The following GPATCH1 variants were observed in gnomAD, a reference collection of about 807,000 sequenced individuals.
GPATCH1 encodes the protein G-patch domain containing 1, also known as G patch domain-containing protein 1.
GPATCH1 carries 73 observed loss-of-function variants against 114.9 expected under a neutral mutation model. The observed-to-expected ratio is 0.64, with a 90% confidence interval of 0.53 to 0.77. The LOEUF is 0.77. GPATCH1 is among the 30% of genes least tolerant of loss of function. The pLI, the probability that GPATCH1 is intolerant of heterozygous loss-of-function variation, is 0.00. For synonymous variants in GPATCH1, 391 were observed against 428.4 expected (o/e 0.91, Z 1.08); for missense variants, 1,058 against 1,144.3 (o/e 0.92, Z 1.09).
intron 9 of GPATCH1, among the ~76,000 whole-genome samples, chr19:33,106,273 G>A (rs1029940016): frequency 2.6e-5 from 4 of 152,092 alleles, no homozygotes; most frequent in African/African-American, 9.7e-5. Context: ...CAGAGTGCTG[G>A]GATTATAGGT....
intron 1 of GPATCH1, among the ~76,000 whole-genome samples, chr19:33,085,214 CTTTTTG>C (rs1972523520): frequency 6.6e-6 from 1 of 152,072 alleles, no homozygotes; most frequent in South Asian, 2.1e-4. Context: ...CCCTCATCAA[CTTTTTG>C]TTTTTGTTTT....
intron 19 of GPATCH1, among the ~76,000 whole-genome samples, chr19:33,128,474 A>G (rs1353192983): frequency 6.6e-6 from 1 of 152,118 alleles, no homozygotes; most frequent in Non-Finnish European, 1.5e-5. Context: ...GTTAGCCAGG[A>G]TGGTCTCAAT....
chr19:33,120,952 T>G (rs1395121798), intron 17 of GPATCH1, among the ~76,000 whole-genome samples: 1 of 150,944 alleles, frequency 6.6e-6, no homozygotes, highest in African/African-American at 2.4e-5. Flanking sequence ...ATCGCACCAC[T>G]GCACTCCAGC....
chr19:33,125,918 A>T lies in GPATCH1; in HGVS notation c.2620-670A>T, dbSNP rs553233766. Among the ~76,000 whole-genome samples, 11 of 152,282 alleles carry T rather than the reference A, an allele frequency of 7.2e-5. No homozygotes were observed. In the South Asian group the frequency reaches 2.3e-3, roughly 32 times the overall value. ...AGGCAGGCATGTGCTCCCACTGTTG[A>T]CGTCTCTTATTTCATCAACCATGTC... On this transcript the variant is annotated intron_variant, in intron 18 of 19. Transcript: ENST00000170564.
intron 4 of GPATCH1, 45 bp from the exon 5 acceptor site, chr19:33,094,127 T>TA: frequency 9.9e-7 from 1 of 1,009,700 alleles, no homozygotes; most frequent in Non-Finnish European, 1.6e-6. Flanking sequence ...TATTCTTTGT[T>TA]AATGTTATTT....
rs1284640848 is a variant in GPATCH1 at position 33,130,362 on chromosome 19, GA to G, written c.*209del. 2.5e-5 allele frequency: 11 copies of G among 437,934 alleles called. No homozygotes were observed. Among genetic ancestry groups the G allele is most frequent in the South Asian group, 5.9e-5 (1 of 17,038 alleles). 27.1% of individuals were successfully genotyped at this position (437,934 alleles called of 1,614,324 possible). A position where few individuals can be genotyped will look rare whatever the true frequency, so the allele number is the denominator to read the frequency against. ...TTTTTAATTTCAGTTAGTATCGGGG[GA>G]AAAAAATCCAGACTGAACAGTTTAA... On this transcript the variant is annotated 3_prime_UTR_variant, in exon 20 of 20. Transcript: ENST00000170564.
intron 10 of GPATCH1, among the ~76,000 whole-genome samples, chr19:33,107,679 C>T (rs1167803639): frequency 3.3e-5 from 5 of 152,122 alleles, no homozygotes; most frequent in South Asian, 2.1e-4. Context: ...CCATGGGGAA[C>T]TCAATAGGTG....
intron 16 of GPATCH1, among the ~76,000 whole-genome samples, chr19:33,118,359 A>G (rs1193459460): frequency 6.6e-6 from 1 of 151,578 alleles, no homozygotes; most frequent in South Asian, 2.1e-4. Context: ...TTGTATTTTT[A>G]GTAGAGATGG....
At chr19:33,110,244 T>A (rs1236792797) in intron 11 of GPATCH1, among the ~76,000 whole-genome samples, 1 of 152,182 alleles carries the variant, frequency 6.6e-6, no homozygotes, top group Non-Finnish European at 1.5e-5. Flanking sequence ...GCTGTTTAAG[T>A]AGAGAACACA....
chr19:33,126,331 G>A (rs771095098), intron 18 of GPATCH1, among the ~76,000 whole-genome samples: 16 of 152,168 alleles, frequency 1.1e-4, no homozygotes, highest in Non-Finnish European at 2.1e-4. Context: ...CAAGTGTTAC[G>A]ATAGGTCCTG....
At chr19:33,127,301 A>G (rs568795970) in intron 19 of GPATCH1, among the ~76,000 whole-genome samples, 42 of 152,006 alleles carry the variant, frequency 2.8e-4, no homozygotes, top group Non-Finnish European at 4.3e-4. Flanking sequence ...GGTGGATCAC[A>G]AGGTCAGGAG....
intron 17 of GPATCH1, among the ~76,000 whole-genome samples, chr19:33,119,937 A>T (rs1972958707): frequency 6.9e-6 from 1 of 144,466 alleles, no homozygotes; most frequent in Non-Finnish European, 1.5e-5. Flanking sequence ...AATTATATAT[A>T]TTTTTATATT....
chr19:33,129,676 G>A (rs140157916), intron 19 of GPATCH1, among the ~76,000 whole-genome samples: 2,519 of 152,226 alleles, frequency 0.017, 66 homozygotes, highest in African/African-American at 0.057. Context: ...GGCCGGGTAC[G>A]GTGGCTCATG....
At chr19:33,099,472 C>T (rs570852270) in intron 8 of GPATCH1, among the ~76,000 whole-genome samples, 7 of 152,122 alleles carry the variant, frequency 4.6e-5, no homozygotes, top group Non-Finnish European at 1.0e-4. Context: ...TCTGCTGTGG[C>T]CTCTCTCCCC....
chr19:33,095,618 T>A (rs1599853748), intron 5 of GPATCH1, 144 bp from the exon 6 acceptor site: 7 of 663,738 alleles, frequency 1.1e-5, no homozygotes, highest in Non-Finnish European at 1.6e-5. Context: ...CCCAGGCTGG[T>A]CTTGAACTCC....
At chr19:33,103,400 G>C (rs1021760392) in intron 9 of GPATCH1, among the ~76,000 whole-genome samples, 5 of 152,118 alleles carry the variant, frequency 3.3e-5, no homozygotes, top group African/African-American at 1.2e-4. Context: ...TGTTTTACAT[G>C]TATGAAAAGG....
rs1167249189 is a variant in GPATCH1, at chr19:33,111,827, G to A, written c.1689G>A (p.Ser563=). Reference sequence around the variant, plus strand: ...CCCTGCTGTACGCATCTTCCCATTCGACCTTGTCCTCCAGGTTCACTCACG... The same window carrying A: ...CCCTGCTGTACGCATCTTCCCATTCAACCTTGTCCTCCAGGTTCACTCACG... ...RAALLYASSH[S]TLSSRFTHAK... is the part of the protein sequence containing the mutation. The change falls in exon 12 of 20, where the codon TCG becomes TCA. Residue 563 remains serine (S), a synonymous_variant. Transcript: ENST00000170564. 3.7e-6 allele frequency: 6 copies of A among 1,613,950 alleles called. No individual in the cohort carries two copies. Among genetic ancestry groups the A allele is most frequent in the Middle Eastern group, 1.6e-4 (1 of 6,084 alleles).
In GPATCH1 at chr19:33,119,087, G is replaced by T; in HGVS notation, c.2491G>T (p.Gly831Cys). 4 of 1,611,984 alleles carry T rather than the reference G, an allele frequency of 2.5e-6. No homozygotes were observed. The highest frequency in any genetic ancestry group is 2.5e-6 in the Non-Finnish European group (3 of 1,179,012). Reference sequence around the variant, plus strand: ...GCAGATAGATGAAAGAGAAGAGTTCGGCCCGCGGCTGCCTCCCGTCTTCTG... The same window carrying T: ...GCAGATAGATGAAAGAGAAGAGTTCTGCCCGCGGCTGCCTCCCGTCTTCTG... ...KMQIDEREEF[G>C]PRLPPVFCPN... The change falls in exon 17 of 20, where the codon GGC (glycine) becomes TGC (cysteine). Residue 831 changes from glycine to cysteine, a missense_variant. Gly to Cys is a radical substitution (Grantham distance 159). Around this residue, in one of 3 missense-constraint regions of GPATCH1, gnomAD observed 893 missense variants for 977.4 expected, o/e 0.91. Transcript: ENST00000170564.
chr19:33,105,112 C>G (rs1261410017), intron 9 of GPATCH1, among the ~76,000 whole-genome samples: 1 of 152,006 alleles, frequency 6.6e-6, no homozygotes, highest in Non-Finnish European at 1.5e-5. Context: ...CTTGGCTCTA[C>G]TCACATTATT....
Sources: allele counts gnomAD v4.1 joint callset (sites outside exome capture counted in the v4.1 genomes callset), GRCh38; gene constraint gnomAD v4.1.1; regional missense constraint gnomAD v4.1.1; transcripts MANE v1.5; gene names NCBI Gene and HGNC (gene_info 2026-07-23, HGNC 2026-07-21).